Variants in USP24 observed in about 807,000 individuals in gnomAD.
USP24 encodes ubiquitin specific peptidase 24, also known as ubiquitin carboxyl-terminal hydrolase 24.
USP24 carries 97 observed loss-of-function variants against 361.6 expected under a neutral mutation model. That is an observed-to-expected ratio of 0.27 (90% CI 0.23 to 0.32). The LOEUF is 0.32. Among genes scored for constraint, USP24 ranks in the 10% least tolerant of loss-of-function variants. The probability of loss-of-function intolerance (pLI) is 1.00; values close to 1 mark genes in which losing one functional copy is unlikely to be tolerated. For synonymous variants in USP24, 1,098 were observed against 1,124.6 expected (o/e 0.98, Z 0.47); for missense variants, 2,353 against 3,165.6 (o/e 0.74, Z 6.16).
At chr1:55,203,184 G>A (rs1644621457) in intron 1 of USP24, among the ~76,000 whole-genome samples, 1 of 152,112 alleles carries the variant, frequency 6.6e-6, no homozygotes, top group African/African-American at 2.4e-5. Flanking sequence ...CCACAGATAG[G>A]GGAGACACTA....
rs1180532218 is a variant in USP24, at chr1:55,098,036, A to C, written c.5502T>G (p.Ser1834=). 6.2e-7 allele frequency: 1 copy of C among 1,613,636 alleles called. No homozygotes were observed. The highest frequency in any genetic ancestry group is 1.7e-5 in the Admixed American group (1 of 59,966). ...AFMALNLGVT[S]CQSLEISLDQ... ...CCAAAGAAATTTCCAAACTCTGACA[A>C]GAAGTCACTCCTAGATTGAGAGCCA... Residue 1834 remains serine (S), a synonymous_variant, in exon 47 of 68, where the codon TCT becomes TCG. Coordinates refer to ENST00000294383, the MANE Select transcript of USP24 (RefSeq NM_015306.3).
Position 55,138,738 on chromosome 1 carries a change from A to T in USP24, c.2818-20T>A. On this transcript the variant is annotated intron_variant, in intron 25 of 67. Coordinates refer to ENST00000294383, the MANE Select transcript of USP24 (RefSeq NM_015306.3). ...AAAATCCTTAAAAAACGAATAAGTC[A>T]AGTCAGATGGACAGCACCACTGATA... 2 of 1,554,336 alleles carry T rather than the reference A, an allele frequency of 1.3e-6. No individual in the cohort carries two copies. The highest frequency in any genetic ancestry group is 1.8e-6 in the Non-Finnish European group (2 of 1,129,138).
In USP24 at chr1:55,066,360, C is replaced by CTGT. The variant is rs1553139077; in HGVS notation, c.*2682_*2684dup. 1.3e-5 allele frequency: 2 copies of CTGT among 152,298 alleles called. No individual in the cohort carries two copies. The highest frequency in any genetic ancestry group is 3.9e-4 in the East Asian group (2 of 5,184). 9.4% of individuals were successfully genotyped at this position (152,298 alleles called of 1,614,324 possible). ...GAAGAATGGCGGCAAGACTCCAACT[C>CTGT]TGTTTTTGAAAAATTTATTTTATAC... is the stretch of plus-strand genomic sequence containing the variant. On this transcript the variant is annotated 3_prime_UTR_variant, in exon 68 of 68. Coordinates refer to ENST00000294383, the MANE Select transcript of USP24 (RefSeq NM_015306.3).
At chr1:55,070,345 C>G (rs1644896110) in intron 67 of USP24, among the ~76,000 whole-genome samples, 2 of 152,066 alleles carry the variant, frequency 1.3e-5, no homozygotes, top group South Asian at 4.1e-4. Flanking sequence ...ACTCCACAAA[C>G]CTTTACTGGT....
At chr1:55,096,138 C>T (rs1410490581) in intron 50 of USP24, among the ~76,000 whole-genome samples, 5 of 152,296 alleles carry the variant, frequency 3.3e-5, no homozygotes, top group African/African-American at 1.2e-4. Flanking sequence ...CACACCTCTA[C>T]ATAAGTGAAA....
At chr1:55,095,425 C>G in intron 50 of USP24, 29 bp from the exon 51 acceptor site, 1 of 1,562,862 alleles carries the variant, frequency 6.4e-7, no homozygotes, top group Non-Finnish European at 8.7e-7. Flanking sequence ...AGAAACACAT[C>G]TGTAAATAAA....
chr1:55,158,242 C>A lies in USP24; in HGVS notation c.1227+636G>T, dbSNP rs935772742. 2.6e-5 allele frequency among the ~76,000 whole-genome samples: 4 copies of A among 152,284 alleles called. No homozygotes were observed. In the South Asian group the frequency reaches 8.3e-4, roughly 32 times the overall value. The stretch of plus-strand genomic sequence containing the variant: ...ATCCTTTCTTGTCTGGCTAGTAAAC[C>A]TTTCATTCATGTAAAATAACCCAGC... On this transcript the variant is annotated intron_variant, in intron 10 of 67. Transcript: ENST00000294383.
chr1:55,191,285 G>A (rs1247327684), intron 1 of USP24, among the ~76,000 whole-genome samples: 1 of 152,132 alleles, frequency 6.6e-6, no homozygotes, highest in East Asian at 1.9e-4. Flanking sequence ...CATCTCTTCA[G>A]TATTTTAGGC....
At chr1:55,096,432 T>C in intron 50 of USP24, 66 bp downstream of exon 50, 2 of 1,270,614 alleles carry the variant, frequency 1.6e-6, no homozygotes, top group Non-Finnish European at 1.0e-6. Flanking sequence ...TAAAGAATAC[T>C]ATTAATTTTT....
chr1:55,119,465 G>A (rs577026858), intron 38 of USP24, among the ~76,000 whole-genome samples: 55 of 152,112 alleles, frequency 3.6e-4, no homozygotes, highest in African/African-American at 1.3e-3. Context: ...AGTTTAGGAT[G>A]GCAAAAGAGT....
At chr1:55,161,495 G>A (rs1286117744) in intron 8 of USP24, among the ~76,000 whole-genome samples, 1 of 152,044 alleles carries the variant, frequency 6.6e-6, no homozygotes, top group Non-Finnish European at 1.5e-5. Context: ...AAAGAACAGT[G>A]CATTTAAAAA....
chr1:55,075,489 T>C lies in USP24; in HGVS notation c.7415A>G (p.Lys2472Arg), dbSNP rs116225864. Residue 2472 changes from lysine (K) to arginine (R), a missense_variant, in exon 63 of 68, where the codon AAA becomes AGA. Lys to Arg is a conservative substitution (Grantham distance 26, BLOSUM62 2). This residue lies in a region of USP24 where 598 missense variants were observed against 761.9 expected (regional missense o/e 0.78). Coordinates refer to ENST00000294383, the MANE Select transcript of USP24 (RefSeq NM_015306.3). ...IEDPIQVERV[K>R]FVFETENGLL... Reference sequence around the variant, plus strand: ...TCCATTTTCTGTCTCAAACACAAATTTGACTCGCTCTACTTGTATAGGATC... The same window carrying C: ...TCCATTTTCTGTCTCAAACACAAATCTGACTCGCTCTACTTGTATAGGATC... The C allele has an allele frequency of 1.2e-6, 2 of 1,605,058 alleles. No homozygotes were observed. Among genetic ancestry groups the C allele is most frequent in the South Asian group, 1.1e-5 (1 of 88,884 alleles).
At chr1:55,141,511 T>C (rs1169949201) in intron 24 of USP24, 105 bp downstream of exon 24, 30 of 1,021,440 alleles carry the variant, frequency 2.9e-5, no homozygotes, top group Non-Finnish European at 4.2e-5. Flanking sequence ...AAAATTATGA[T>C]ATAAAATGAG....
intron 38 of USP24, 60 bp downstream of exon 38, chr1:55,120,536 C>G: frequency 6.8e-7 from 1 of 1,466,620 alleles, no homozygotes. Context: ...GGGAGCAGCA[C>G]ACAAATTATC....
Position 55,157,329 on chromosome 1 carries a change from C to T in USP24, c.1269G>A (p.Val423=), listed in dbSNP as rs762847127. The change falls in exon 11 of 68, where the codon GTG becomes GTA. Residue 423 remains valine, a synonymous_variant. Coordinates refer to ENST00000294383, the MANE Select transcript of USP24 (RefSeq NM_015306.3). ...LIEDSTLSKS[V]KNAIDTDRLL... ...ATCTGTCTGTATCTATAGCATTCTT[C>T]ACAGATTTGGATAAAGTGCTATCTT... is the stretch of plus-strand genomic sequence containing the variant. 12 of 1,600,120 alleles carry T rather than the reference C, an allele frequency of 7.5e-6. No individual in the cohort carries two copies. In the East Asian group the frequency reaches 2.7e-4, roughly 36 times the overall value.
Position 55,215,209 on chromosome 1 carries a change from G to A in USP24, c.-96C>T, listed in dbSNP as rs1417996130. 3.9e-6 allele frequency: 4 copies of A among 1,032,600 alleles called. No individual in the cohort carries two copies. The highest frequency in any genetic ancestry group is 4.9e-6 in the Non-Finnish European group (4 of 818,534). The allele number at this position is 1,032,600 out of a possible 1,614,324, so 64.0% of individuals were successfully genotyped here. ...GGCGCACCCTCCGCGCCGCCTCCGCGCCCAGGTTGGCCCCTGCGTTCCTGC... is the reference window on the plus strand; with the variant it reads ...GGCGCACCCTCCGCGCCGCCTCCGCACCCAGGTTGGCCCCTGCGTTCCTGC... On this transcript the variant is annotated 5_prime_UTR_variant, in exon 1 of 68. Transcript: ENST00000294383.
intron 40 of USP24, 120 bp from the exon 41 acceptor site, chr1:55,106,383 T>C: frequency 1.4e-6 from 1 of 712,154 alleles, no homozygotes; most frequent in Non-Finnish European, 2.4e-6. Context: ...GCAGAGCATT[T>C]AGTTTAATTT....
intron 1 of USP24, among the ~76,000 whole-genome samples, chr1:55,206,454 G>C (rs1644707249): frequency 6.6e-6 from 1 of 152,050 alleles, no homozygotes; most frequent in Non-Finnish European, 1.5e-5. Flanking sequence ...GAAAATAGCA[G>C]CTAAACTGCA....
At chr1:55,102,667 T>C (rs6656663) in intron 42 of USP24, among the ~76,000 whole-genome samples, 6,136 of 152,160 alleles carry the variant, frequency 0.04, 396 homozygotes, top group African/African-American at 0.14. Context: ...CCGAAATTTA[T>C]TTGTAGTCCA....
Sources: allele counts gnomAD v4.1 joint callset (sites outside exome capture counted in the v4.1 genomes callset), GRCh38; gene constraint gnomAD v4.1.1; regional missense constraint gnomAD v4.1.1; transcripts MANE v1.5; gene names NCBI Gene and HGNC (gene_info 2026-07-23, HGNC 2026-07-21).